The following LRRC24 variants were observed in gnomAD, a reference collection of about 807,000 sequenced individuals.
The protein encoded by LRRC24 is leucine-rich repeat-containing protein 24.
Under a neutral mutation model 15.3 loss-of-function variants are expected in LRRC24, and 19 were observed. The observed-to-expected ratio is 1.25, with a 90% CI of 0.87 to 1.83. The LOEUF is 1.83. Among genes scored for constraint, LRRC24 ranks in the 40% most tolerant of loss-of-function variants. LRRC24 has a pLI of 0.00. For synonymous variants in LRRC24, 469 were observed against 359.6 expected, an observed-to-expected ratio of 1.30 and a Z score of -3.44; for missense variants, 914 against 723.9, an observed-to-expected ratio of 1.26 and a Z score of -3.01.
At chr8:144,526,773 G>C (rs1816377751) in intron 1 of LRRC24, 187 bp downstream of exon 1, 1 of 152,258 alleles carries the variant, frequency 6.6e-6, no homozygotes, top group South Asian at 2.1e-4. Flanking sequence ...TATCCCCCAC[G>C]GCCTCCTCTG....
Position 144,522,600 on chromosome 8 carries a change from TGAC to T in LRRC24, c.1414_1416del (p.Val472del). ...GCGAAGAGCGGCTTGGAGCGGTTGA[TGAC>T]GAACATCTCGTGGCCGCGCTCGTCG... On this transcript the variant is annotated inframe_deletion, in exon 5 of 5. Coordinates refer to ENST00000529415, the MANE Select transcript of LRRC24 (RefSeq NM_001024678.4). The T allele has an allele frequency of 1.3e-6, 2 of 1,568,184 alleles. No homozygotes were observed. The highest frequency in any genetic ancestry group is 1.7e-6 in the Non-Finnish European group (2 of 1,159,836).
At chr8:144,525,753 A>G (rs1182605090) in intron 1 of LRRC24, 1 of 152,176 alleles carries the variant, frequency 6.6e-6, no homozygotes, top group Non-Finnish European at 1.5e-5. Context: ...GCCGGTCCCC[A>G]GAAAGGTGTC....
rs1473520848 is a variant in LRRC24, at chr8:144,524,898, G to T, written c.77C>A (p.Ala26Asp). The change falls in exon 2 of 5, where the codon GCC becomes GAC. Residue 26 changes from alanine (A) to aspartate (D), a missense_variant. Transcript: ENST00000529415. ...LPLRAAGCPA[A>D]CRCYSATVEC... ...CACCGTGGCGCTGTAGCAGCGGCAG[G>T]CTGCTGGGCAGCCGGCGGCGCGGAG... 6.6e-6 allele frequency: 10 copies of T among 1,515,198 alleles called. No individual in the cohort carries two copies. Among genetic ancestry groups the T allele is most frequent in the East Asian group, 5.0e-5 (2 of 40,092 alleles). 93.9% of individuals were successfully genotyped at this position (1,515,198 alleles called of 1,614,324 possible). A position where few individuals can be genotyped will look rare whatever the true frequency, so the allele number is the denominator to read the frequency against.
In LRRC24 at chr8:144,522,702, G is replaced by A. The variant is rs778200346; in HGVS notation, c.1315C>T (p.Pro439Ser). Residue 439 changes from proline (P) to serine (S), a missense_variant, in exon 5 of 5, where the codon CCG becomes TCG. Transcript: ENST00000529415. ...RRRRKKARGP[P>S]GEGALFVNDY... is the part of the protein sequence containing the mutation. ...TTGACGAACAGCGCTCCCTCCCCCG[G>A]AGGCCCCCGCGCCTTTTTTCGCCTG... is the stretch of plus-strand genomic sequence containing the variant. 35 of 1,596,568 alleles carry A rather than the reference G, an allele frequency of 2.2e-5. No homozygotes were observed. The highest frequency in any genetic ancestry group is 3.0e-5 in the Non-Finnish European group (35 of 1,172,748).
chr8:144,523,634 A>C, intron 4 of LRRC24: 1 of 557,754 alleles, frequency 1.8e-6, no homozygotes, highest in Non-Finnish European at 2.8e-6. Context: ...TGCCTGTTAC[A>C]GATCACTTCT....
chr8:144,523,735 C>T (rs775614809), intron 4 of LRRC24: 3 of 421,558 alleles, frequency 7.1e-6, no homozygotes, highest in Non-Finnish European at 8.4e-6. Flanking sequence ...ATAGACATCT[C>T]ACCAGCACTG....
At chr8:144,526,385 A>G (rs1365330815) in intron 1 of LRRC24, 1 of 152,104 alleles carries the variant, frequency 6.6e-6, no homozygotes, top group Non-Finnish European at 1.5e-5. Flanking sequence ...GGCCTGGCCC[A>G]CTCAGCCTCC....
At position 144,522,889 on chromosome 8, in the gene LRRC24, C is replaced by T. The variant is rs1816177445; in HGVS notation, c.1128G>A (p.Pro376=). The T allele has an allele frequency of 3.9e-6, 5 of 1,280,666 alleles. No individual in the cohort carries two copies. The highest frequency in any genetic ancestry group is 1.6e-5 in the African/African-American group (1 of 64,430). The allele number at this position is 1,280,666 out of a possible 1,614,324, so 79.3% of individuals were successfully genotyped here. A position where few individuals can be genotyped will look rare whatever the true frequency, so the allele number is the denominator to read the frequency against. Residue 376 remains proline (P), a synonymous_variant, in exon 5 of 5, where the codon CCG becomes CCA. Coordinates refer to ENST00000529415, the MANE Select transcript of LRRC24 (RefSeq NM_001024678.4). ...RQQPQQPAQP[P]PPAARPAGSE... The stretch of plus-strand genomic sequence containing the variant: ...TGCCGGCGGGGCGGGCGGCCGGAGG[C>T]GGCGGTTGCGCGGGCTGCTGCGGCT...
At position 144,524,493 on chromosome 8, in the gene LRRC24, A is replaced by T. The variant is rs746669390; in HGVS notation, c.386T>A (p.Leu129Gln). 6.3e-7 allele frequency: 1 copy of T among 1,597,504 alleles called. No individual in the cohort carries two copies. The highest frequency in any genetic ancestry group is 8.5e-7 in the Non-Finnish European group (1 of 1,179,732). Residue 129 changes from leucine to glutamine, a missense_variant, in exon 3 of 5, where the codon CTG becomes CAG. Leu to Gln is a moderately radical substitution (Grantham distance 113). Transcript: ENST00000529415. Reference protein sequence around the residue: ...VGLAQLRVLYLAGNQLARLLD... With the variant: ...VGLAQLRVLYQAGNQLARLLD... ...CAGCCGCGCCAGCTGGTTGCCCGCC[A>T]GGTAGAGCACGCGCAGCTGGGCCAG...
intron 1 of LRRC24, chr8:144,526,317 G>C (rs1245206095): frequency 6.6e-6 from 1 of 152,254 alleles, no homozygotes; most frequent in Non-Finnish European, 1.5e-5. Context: ...AGTTGGGGGC[G>C]TTATCTGGGC....
In LRRC24 at chr8:144,522,637, C is replaced by G; in HGVS notation, c.1380G>C (p.Glu460Asp). Residue 460 changes from glutamate (E) to aspartate (D), a missense_variant, in exon 5 of 5, where the codon GAG (glutamate) becomes GAC (aspartate). By Grantham distance (45) the Glu-to-Asp change is conservative (BLOSUM62 2). Coordinates refer to ENST00000529415, the MANE Select transcript of LRRC24 (RefSeq NM_001024678.4). ...CGTGGCCGCGCTCGTCGCGGAGCTCCTCTAGCTGTGCGAACGTACAGGGGC... is the reference window on the plus strand; with the variant it reads ...CGTGGCCGCGCTCGTCGCGGAGCTCGTCTAGCTGTGCGAACGTACAGGGGC... ...LDGPCTFAQL[E>D]ELRDERGHEM... 1 of 1,584,102 alleles carries G rather than the reference C, an allele frequency of 6.3e-7. No individual in the cohort carries two copies. Among genetic ancestry groups the G allele is most frequent in the Non-Finnish European group, 8.6e-7 (1 of 1,167,362 alleles).
Position 144,524,555 on chromosome 8 carries a change from G to C in LRRC24, c.324C>G (p.Asn108Lys). Residue 108 changes from asparagine to lysine, a missense_variant, in exon 3 of 5, where the codon AAC becomes AAG. Asn to Lys is a moderately conservative substitution (Grantham distance 94, BLOSUM62 0). Coordinates refer to ENST00000529415, the MANE Select transcript of LRRC24 (RefSeq NM_001024678.4). ...CGCCGCTGCGCAAGCCGCGCAGCCG[G>C]TTGCTAGTGAGCGCCAGCTCCAGCA... is the stretch of plus-strand genomic sequence containing the variant. The part of the protein sequence containing the change: ...PRLLELALTS[N>K]RLRGLRSGAF... 5 of 1,576,022 alleles carry C rather than the reference G, an allele frequency of 3.2e-6. No individual in the cohort carries two copies. The highest frequency in any genetic ancestry group is 3.4e-6 in the Non-Finnish European group (4 of 1,169,398).
At position 144,523,242 on chromosome 8, in the gene LRRC24, G is replaced by A; in HGVS notation, c.775C>T (p.Pro259Ser). The A allele has an allele frequency of 6.2e-7, 1 of 1,610,348 alleles. No homozygotes were observed. Among genetic ancestry groups the A allele is most frequent in the South Asian group, 1.1e-5 (1 of 90,714 alleles). The change falls in exon 5 of 5, where the codon CCG becomes TCG. Residue 259 changes from proline to serine, a missense_variant. Coordinates refer to ENST00000529415, the MANE Select transcript of LRRC24 (RefSeq NM_001024678.4). The stretch of plus-strand genomic sequence containing the variant: ...AGCGGCTGCACGTGGACAGAGGGCG[G>A]AATGCAGATGAGGCTGCTGTGGGAT... ...DVSHSSLICI[P>S]PSVHVQPLEL...
chr8:144,524,117 G>A lies in LRRC24; in HGVS notation c.600C>T (p.Arg200=), dbSNP rs1564824963. Reference sequence around the variant, plus strand: ...TTTCCGAGGAAGAGGTACCTGTGAGGCGCAGGACTTGCAGACTGGCCAGGG... The same window carrying A: ...TTTCCGAGGAAGAGGTACCTGTGAGACGCAGGACTTGCAGACTGGCCAGGG... ...LQPLASLQVL[R]LTENPWRCDC... is the part of the protein sequence containing the mutation. Residue 200 remains arginine (R), a synonymous_variant, in exon 4 of 5, where the codon CGC becomes CGT. Transcript: ENST00000529415. 2 of 1,600,738 alleles carry A rather than the reference G, an allele frequency of 1.2e-6. No homozygotes were observed.
chr8:144,525,404 G>A (rs544931943), intron 1 of LRRC24, among the ~76,000 whole-genome samples: 196 of 152,316 alleles, frequency 1.3e-3, no homozygotes, highest in Non-Finnish European at 2.6e-3. Flanking sequence ...GTTCTAGGGT[G>A]CAAGAAGCTG....
chr8:144,526,667 T>C (rs900941845), intron 1 of LRRC24: 2 of 152,194 alleles, frequency 1.3e-5, no homozygotes, highest in Non-Finnish European at 2.9e-5. Flanking sequence ...GGGAAGAGGA[T>C]GGAACGCCCT....
chr8:144,523,741 C>T (rs1816229361), intron 4 of LRRC24: 5 of 419,104 alleles, frequency 1.2e-5, no homozygotes, highest in Non-Finnish European at 1.7e-5. Flanking sequence ...ATCTCACCAG[C>T]ACTGAAACCT....
At chr8:144,525,980 C>T (rs1243542786) in intron 1 of LRRC24, 1 of 152,232 alleles carries the variant, frequency 6.6e-6, no homozygotes, top group South Asian at 2.1e-4. Context: ...GAACAAGGAG[C>T]CCAGTTTTAA....
chr8:144,523,088 A>C lies in LRRC24; in HGVS notation c.929T>G (p.Leu310Arg), dbSNP rs959322800. Residue 310 changes from leucine to arginine, a missense_variant, in exon 5 of 5, where the codon CTA (leucine) becomes CGA (arginine). Leu to Arg is a moderately radical substitution (Grantham distance 102, BLOSUM62 -2). Coordinates refer to ENST00000529415, the MANE Select transcript of LRRC24 (RefSeq NM_001024678.4). ...GCCCAGGCCCAGCAACCCGCCTTCT[A>C]GCTGGGCCTGGGCTCGCGGCCGGCC... Reference protein sequence around the residue: ...REGRPRAQAQLEGGLLGLGGH... With the variant: ...REGRPRAQAQREGGLLGLGGH... 4 of 1,608,538 alleles carry C rather than the reference A, an allele frequency of 2.5e-6. No individual in the cohort carries two copies. In the African/African-American group the frequency reaches 4.0e-5, roughly 16 times the overall value.
Sources: gnomAD v4.1 joint callset for allele counts (sites outside exome capture counted in the v4.1 genomes callset) on GRCh38, gnomAD v4.1.1 for gene constraint, MANE v1.5 for transcripts, NCBI Gene and HGNC (gene_info 2026-07-23, HGNC 2026-07-21) for gene names.